MSH3: variants seen among roughly 807,000 people sequenced by gnomAD.
MSH3 encodes DNA mismatch repair protein Msh3.
MSH3 carries 106 observed loss-of-function variants against 123.3 expected under a neutral mutation model. That is an observed-to-expected ratio of 0.86 (90% CI 0.73 to 1.01). The LOEUF (loss-of-function observed/expected upper bound fraction) is 1.01, where lower values mean the gene tolerates loss of function less well. MSH3 is among the 50% of genes least tolerant of loss of function. MSH3 has a pLI of 0.00. For synonymous variants in MSH3, 515 were observed against 481.4 expected, an observed-to-expected ratio of 1.07 and a Z score of -0.91; for missense variants, 1,459 against 1,347.6, an observed-to-expected ratio of 1.08 and a Z score of -1.29.
intron 19 of MSH3, among the ~76,000 whole-genome samples, chr5:80,804,170 A>G (rs763563851): frequency 5.9e-5 from 9 of 152,216 alleles, no homozygotes; most frequent in Non-Finnish European, 7.3e-5. Context: ...AACAATATTT[A>G]TTCTTCCAGT....
At chr5:80,807,013 G>A (rs1056426862) in intron 19 of MSH3, among the ~76,000 whole-genome samples, 1 of 151,628 alleles carries the variant, frequency 6.6e-6, no homozygotes, top group Non-Finnish European at 1.5e-5. Flanking sequence ...GACCAGCCTG[G>A]GATGGGGAGA....
chr5:80,665,523 C>T (rs1749550561), intron 3 of MSH3, among the ~76,000 whole-genome samples, 160 bp downstream of exon 3: 2 of 152,048 alleles, frequency 1.3e-5, no homozygotes, highest in South Asian at 4.2e-4. Flanking sequence ...TTTCTTACAT[C>T]CCTGGAGATT....
At chr5:80,687,343 T>C (rs1218450442) in intron 8 of MSH3, among the ~76,000 whole-genome samples, 1 of 152,212 alleles carries the variant, frequency 6.6e-6, no homozygotes, top group Non-Finnish European at 1.5e-5. Flanking sequence ...GTTGTATGTT[T>C]ATAGAAATGG....
intron 20 of MSH3, among the ~76,000 whole-genome samples, chr5:80,829,500 AT>A (rs1248772126): frequency 6.6e-6 from 1 of 151,942 alleles, no homozygotes; most frequent in African/African-American, 2.4e-5. Context: ...TGATCATGTG[AT>A]TTTTCTTCTT....
chr5:80,675,190 A>G (rs1749813771), intron 7 of MSH3, 62 bp downstream of exon 7: 4 of 1,532,458 alleles, frequency 2.6e-6, no homozygotes, highest in Middle Eastern at 3.5e-4. Context: ...AATATGATCT[A>G]TCATGTATGG....
At chr5:80,792,708 A>G in intron 18 of MSH3, 25 bp from the exon 19 acceptor site, 1 of 1,436,134 alleles carries the variant, frequency 7.0e-7, no homozygotes, top group Non-Finnish European at 9.8e-7. Context: ...TGCCTAGTAA[A>G]TTGAAACATA....
chr5:80,766,264 A>G (rs1455478836), intron 13 of MSH3, among the ~76,000 whole-genome samples: 1 of 150,770 alleles, frequency 6.6e-6, no homozygotes, highest in African/African-American at 2.4e-5. Flanking sequence ...TTTTAAGTCA[A>G]TTACTGTTTA....
At chr5:80,755,988 T>C (rs1371324400) in intron 12 of MSH3, among the ~76,000 whole-genome samples, 2 of 152,170 alleles carry the variant, frequency 1.3e-5, no homozygotes, top group African/African-American at 4.8e-5. Context: ...GTGAAACTTA[T>C]TTAAAACAGT....
At chr5:80,786,168 T>C (rs1340207584) in intron 17 of MSH3, among the ~76,000 whole-genome samples, 1 of 151,576 alleles carries the variant, frequency 6.6e-6, no homozygotes, top group Non-Finnish European at 1.5e-5. Flanking sequence ...AATTAAAAAA[T>C]AAATTAAAAA....
intron 16 of MSH3, among the ~76,000 whole-genome samples, chr5:80,777,905 C>T (rs1053162659): frequency 3.2e-4 from 49 of 152,192 alleles, no homozygotes; most frequent in African/African-American, 1.2e-3. Flanking sequence ...ACAATACTTA[C>T]AGGCGCTCTC....
At chr5:80,801,173 G>C (rs1744783240) in intron 19 of MSH3, among the ~76,000 whole-genome samples, 1 of 152,200 alleles carries the variant, frequency 6.6e-6, no homozygotes, top group African/African-American at 2.4e-5. Flanking sequence ...GGATCTGGAT[G>C]AGGGCTTTTA....
At chr5:80,693,551 GTATGTGTT>G (rs1750388865) in intron 8 of MSH3, among the ~76,000 whole-genome samples, 3 of 147,802 alleles carry the variant, frequency 2.0e-5, no homozygotes, top group African/African-American at 7.8e-5. Context: ...ATATGCACAT[GTATGTGTT>G]TATATAAATA....
intron 22 of MSH3, among the ~76,000 whole-genome samples, chr5:80,870,213 G>T (rs993408415): frequency 6.7e-6 from 1 of 150,260 alleles, no homozygotes; most frequent in Non-Finnish European, 1.5e-5. Flanking sequence ...CAAATTTTTG[G>T]ATAGGGGGAT....
At chr5:80,809,903 T>A (rs993244509) in intron 19 of MSH3, among the ~76,000 whole-genome samples, 1 of 152,120 alleles carries the variant, frequency 6.6e-6, no homozygotes. Flanking sequence ...GAAAATTTAT[T>A]TGATTTTTTA....
At chr5:80,743,428 T>G (rs936983363) in intron 11 of MSH3, among the ~76,000 whole-genome samples, 3 of 152,138 alleles carry the variant, frequency 2.0e-5, no homozygotes, top group Non-Finnish European at 4.4e-5. Flanking sequence ...GTATCCTAAT[T>G]ACGAGTCTTT....
chr5:80,665,437 G>A, intron 3 of MSH3, 74 bp downstream of exon 3: 2 of 1,105,956 alleles, frequency 1.8e-6, no homozygotes, highest in Non-Finnish European at 2.7e-6. Context: ...GTTCTCTGAG[G>A]TCATTCATGG....
In MSH3 at chr5:80,768,862, A is replaced by C. The variant is rs1299284264; in HGVS notation, c.2112A>C (p.Lys704Asn). 6.2e-7 allele frequency: 1 copy of C among 1,610,392 alleles called. No homozygotes were observed. The highest frequency in any genetic ancestry group is 2.2e-5 in the East Asian group (1 of 44,710). ...AKVGDKTELFKDLSDFPLIKK... is the reference protein window; with the variant it reads ...AKVGDKTELFNDLSDFPLIKK... ...TTGGGGATAAAACTGAATTATTTAA[A>C]GACCTTTCTGACTTCCCTTTAATAA... The change falls in exon 15 of 24, where the codon AAA becomes AAC. Residue 704 changes from lysine to asparagine, a missense_variant. By Grantham distance (94) the Lys-to-Asn change is moderately conservative. Coordinates refer to ENST00000265081, the MANE Select transcript of MSH3 (RefSeq NM_002439.5).
At chr5:80,760,664 T>G (rs1197977108) in intron 12 of MSH3, among the ~76,000 whole-genome samples, 1 of 152,236 alleles carries the variant, frequency 6.6e-6, no homozygotes, top group Non-Finnish European at 1.5e-5. Context: ...TCTAAGTGGC[T>G]TAAATACATT....
intron 8 of MSH3, among the ~76,000 whole-genome samples, chr5:80,719,666 A>C (rs555904794): frequency 5.3e-5 from 8 of 152,170 alleles, no homozygotes; most frequent in Non-Finnish European, 1.2e-4. Context: ...TTTCTTCCCC[A>C]TTTATTTCAC....
Sources: allele counts gnomAD v4.1 joint callset (sites outside exome capture counted in the v4.1 genomes callset), GRCh38; gene constraint gnomAD v4.1.1; transcripts MANE v1.5; gene names NCBI Gene and HGNC (gene_info 2026-07-23, HGNC 2026-07-21).